Variants in CKAP5 observed in about 807,000 individuals in gnomAD.
CKAP5 encodes the protein cytoskeleton-associated protein 5.
In CKAP5, 27 loss-of-function variants were observed where a neutral mutation model predicts 232.8. The observed-to-expected ratio is 0.12, with a 90% CI of 0.09 to 0.16. The LOEUF is 0.16. Among genes scored for constraint, CKAP5 ranks in the 10% least tolerant of loss-of-function variants. The pLI, the probability that CKAP5 is intolerant of heterozygous loss-of-function variation, is 1.00. For missense variants in CKAP5, 1,838 were observed against 2,424.7 expected (o/e 0.76, Z 5.08); for synonymous variants, 785 against 841.1 (o/e 0.93, Z 1.16).
At chr11:46,753,830 G>A (rs1484546117) in intron 36 of CKAP5, among the ~76,000 whole-genome samples, 2 of 151,796 alleles carry the variant, frequency 1.3e-5, no homozygotes, top group East Asian at 3.9e-4. Flanking sequence ...CTGACTTCGT[G>A]ATCCACCTGC....
In CKAP5 at chr11:46,802,553, G is replaced by GAGACACACACACACAC. The variant is rs1555165924; in HGVS notation, c.979-1250_979-1249insGTGTGTGTGTGTGTCT. On this transcript the variant is annotated intron_variant, in intron 8 of 43. Transcript: ENST00000529230. ...AGCAAGACAGACAGACAGACAGACA[G>GAGACACACACACACAC]ACAGACACACACACACACACACACA... 2.9e-3 allele frequency among the ~76,000 whole-genome samples: 407 copies of GAGACACACACACACAC among 142,546 alleles called. 4 individuals carry two copies. The highest frequency in any genetic ancestry group is 0.011 in the African/African-American group (392 of 36,532). 93.5% of individuals were successfully genotyped at this position (142,546 alleles called of 152,430 possible). A position where few individuals can be genotyped will look rare whatever the true frequency, so the allele number is the denominator to read the frequency against.
intron 24 of CKAP5, among the ~76,000 whole-genome samples, chr11:46,774,763 G>A (rs570424257): frequency 1.3e-5 from 2 of 152,270 alleles, no homozygotes; most frequent in African/African-American, 4.8e-5. Context: ...TTAATAAATG[G>A]TATTGGGAAA....
chr11:46,818,206 T>C, intron 3 of CKAP5, 104 bp downstream of exon 3: 2 of 800,718 alleles, frequency 2.5e-6, no homozygotes, highest in South Asian at 3.1e-5. Flanking sequence ...AGAAAATTCA[T>C]CTATTCTAAA....
intron 20 of CKAP5, among the ~76,000 whole-genome samples, 167 bp from the exon 21 acceptor site, chr11:46,778,766 G>A (rs987497637): frequency 2.0e-5 from 3 of 152,076 alleles, no homozygotes; most frequent in African/African-American, 7.2e-5. Context: ...TATGTCAAAA[G>A]GTATTTTTAT....
chr11:46,765,139 CT>C lies in CKAP5; in HGVS notation c.3528del (p.Gly1177AspfsTer2). The C allele has an allele frequency of 6.2e-7, 1 of 1,611,486 alleles. No individual in the cohort carries two copies. Among genetic ancestry groups the C allele is most frequent in the South Asian group, 1.1e-5 (1 of 90,628 alleles). ...TCTTAATCCTTCCTTACCTTCAATC[CT>C]TTTTCATCTTTCATCCTTTGCTCTT... is the stretch of plus-strand genomic sequence containing the variant. The part of the protein sequence containing the change: ...NGKEQRMKDE[K>X]GLKVLKWNFT... On this transcript the variant is annotated frameshift_variant, in exon 28 of 44. Coordinates refer to ENST00000529230, the MANE Select transcript of CKAP5 (RefSeq NM_001008938.4). LOFTEE classifies it high-confidence loss of function.
At chr11:46,758,887 C>G in intron 35 of CKAP5, 36 bp downstream of exon 35, 1 of 1,611,358 alleles carries the variant, frequency 6.2e-7, no homozygotes, top group Non-Finnish European at 8.5e-7. Flanking sequence ...TCTATGTCCA[C>G]CAATGGAATC....
At chr11:46,767,287 T>C (rs147870340) in intron 27 of CKAP5, among the ~76,000 whole-genome samples, 1,542 of 152,338 alleles carry the variant, frequency 0.01, 8 homozygotes, top group Non-Finnish European at 0.016. Context: ...CCCAAAGTGC[T>C]GGGATTACAG....
intron 1 of CKAP5, among the ~76,000 whole-genome samples, chr11:46,831,860 C>CA (rs1565758058): frequency 1.0e-5 from 1 of 97,858 alleles, no homozygotes; most frequent in Non-Finnish European, 2.0e-5. Flanking sequence ...ATAAACTTAT[C>CA]CTTTTTTTTT....
chr11:46,790,140 C>T lies in CKAP5; in HGVS notation c.1811G>A (p.Cys604Tyr). ...EKASAVLPPT[C>Y]IQLLDSSNWK... is the part of the protein sequence containing the mutation. ...GTTACTGCTGTCAAGAAGCTGTATA[C>T]AGGTAGGGGGAAGAACAGCTGAAGC... is the stretch of plus-strand genomic sequence containing the variant. The change falls in exon 15 of 44, where the codon TGT (cysteine) becomes TAT (tyrosine). Residue 604 changes from cysteine to tyrosine, a missense_variant. By Grantham distance (194) the Cys-to-Tyr change is radical. Coordinates refer to ENST00000529230, the MANE Select transcript of CKAP5 (RefSeq NM_001008938.4). The T allele has an allele frequency of 6.2e-7, 1 of 1,612,068 alleles. No individual in the cohort carries two copies. The highest frequency in any genetic ancestry group is 1.7e-4 in the Middle Eastern group (1 of 6,048).
intron 42 of CKAP5, among the ~76,000 whole-genome samples, chr11:46,745,505 G>A (rs1194740863): frequency 1.3e-5 from 2 of 152,158 alleles, no homozygotes; most frequent in Non-Finnish European, 2.9e-5. Context: ...ATTATCACAC[G>A]TTGAACATCC....
chr11:46,762,366 T>C, intron 31 of CKAP5, 173 bp from the exon 32 acceptor site: 1 of 880,584 alleles, frequency 1.1e-6, no homozygotes. Flanking sequence ...TTTCAGCAAG[T>C]GCTCCTGAAA....
At chr11:46,751,643 A>G in intron 38 of CKAP5, 109 bp from the exon 39 acceptor site, 1 of 903,660 alleles carries the variant, frequency 1.1e-6, no homozygotes. Flanking sequence ...GGCCAGGGCT[A>G]TAAATGTGGC....
intron 1 of CKAP5, among the ~76,000 whole-genome samples, chr11:46,837,272 T>C (rs2134717959): frequency 6.6e-6 from 1 of 152,324 alleles, no homozygotes; most frequent in South Asian, 2.1e-4. Context: ...GAGGCTAGAA[T>C]GATCTATGTG....
intron 4 of CKAP5, 137 bp from the exon 5 acceptor site, chr11:46,811,315 A>G: frequency 3.0e-6 from 2 of 677,842 alleles, no homozygotes; most frequent in South Asian, 2.3e-5. Flanking sequence ...TAAGGCAACA[A>G]AAGAAAAGGA....
At chr11:46,758,805 A>C in intron 35 of CKAP5, 118 bp downstream of exon 35, 1 of 1,157,648 alleles carries the variant, frequency 8.6e-7, no homozygotes, top group Non-Finnish European at 1.2e-6. Flanking sequence ...TTTCCTCGGG[A>C]AAGTATGAAA....
chr11:46,805,607 G>C (rs7121799), intron 8 of CKAP5, among the ~76,000 whole-genome samples: 3,019 of 152,232 alleles, frequency 0.02, 101 homozygotes, highest in African/African-American at 0.069. Context: ...ATAATACAAA[G>C]TTTGTGTGTA....
At chr11:46,788,300 C>G (rs562212313) in intron 16 of CKAP5, among the ~76,000 whole-genome samples, 1 of 152,354 alleles carries the variant, frequency 6.6e-6, no homozygotes, top group African/African-American at 2.4e-5. Flanking sequence ...CCAAGCTGGG[C>G]GCGGTGGCTC....
chr11:46,841,577 T>C (rs907030887), intron 1 of CKAP5, among the ~76,000 whole-genome samples: 3 of 152,188 alleles, frequency 2.0e-5, no homozygotes, highest in African/African-American at 4.8e-5. Flanking sequence ...TGGTCACCCA[T>C]GGTAAAGAGC....
At chr11:46,778,729 A>C in intron 20 of CKAP5, 130 bp from the exon 21 acceptor site, 1 of 704,936 alleles carries the variant, frequency 1.4e-6, no homozygotes, top group Non-Finnish European at 2.4e-6. Context: ...TAATTTGACT[A>C]CTACCTAGAT....
Sources: gnomAD v4.1 joint callset for allele counts (sites outside exome capture counted in the v4.1 genomes callset) on GRCh38, gnomAD v4.1.1 for gene constraint, MANE v1.5 for transcripts, NCBI Gene and HGNC (gene_info 2026-07-23, HGNC 2026-07-21) for gene names.